The following PPP2R1B variants were observed in gnomAD, a reference collection of about 807,000 sequenced individuals.
PPP2R1B encodes the protein serine/threonine-protein phosphatase 2A 65 kDa regulatory subunit A beta isoform.
Under a neutral mutation model 72.7 loss-of-function variants are expected in PPP2R1B, and 58 were observed. The observed-to-expected ratio is 0.80, with a 90% CI of 0.65 to 0.99. The LOEUF is 0.99. PPP2R1B is among the 50% of genes least tolerant of loss of function. The probability of loss-of-function intolerance (pLI) is 0.00; values close to 1 mark genes in which losing one functional copy is unlikely to be tolerated. For synonymous variants in PPP2R1B, 256 were observed against 264.6 expected, an observed-to-expected ratio of 0.97 and a Z score of 0.32; for missense variants, 695 against 733.6, an observed-to-expected ratio of 0.95 and a Z score of 0.61.
chr11:111,721,843 A>C, the PPP2R1B span: 6 of 1,608,072 alleles, frequency 3.7e-6, no homozygotes, highest in African/African-American at 8.0e-5. Flanking sequence ...GAAGTTTCTC[A>C]GCAGCAGGAA....
chr11:111,707,852 A>G, the PPP2R1B span, among the ~76,000 whole-genome samples: 1 of 152,220 alleles, frequency 6.6e-6, no homozygotes, highest in Non-Finnish European at 1.5e-5. Flanking sequence ...CCACACACCA[A>G]GCTGAGTGAC....
chr11:111,692,366 A>C, the PPP2R1B span, among the ~76,000 whole-genome samples: 1 of 123,392 alleles, frequency 8.1e-6, no homozygotes. Context: ...AAAAAAAAAA[A>C]AAAAAAAAAA....
chr11:111,751,207 C>G (rs921857282), intron 10 of PPP2R1B, among the ~76,000 whole-genome samples: 1 of 152,074 alleles, frequency 6.6e-6, no homozygotes, highest in South Asian at 2.1e-4. Flanking sequence ...CAAGTGGTAC[C>G]TAGGGACATT....
At chr11:111,710,963 G>A in the PPP2R1B span, among the ~76,000 whole-genome samples, 1 of 152,084 alleles carries the variant, frequency 6.6e-6, no homozygotes, top group Non-Finnish European at 1.5e-5. Context: ...TATGATGATT[G>A]TTTTCTCAGA....
rs201183773 is a variant in PPP2R1B at position 111,759,943 on chromosome 11, C to T, written c.548G>A (p.Arg183His). Residue 183 changes from arginine (R) to histidine (H), a missense_variant, in exon 5 of 15, where the codon CGT becomes CAT. By Grantham distance (29) the Arg-to-His change is conservative (BLOSUM62 0). Coordinates refer to ENST00000527614, the MANE Select transcript of PPP2R1B (RefSeq NM_002716.5). Reference sequence around the variant, plus strand: ...TGGTGTGTCATCTGAGCACAAGGAACGGAATTGCCTGCAACATAAAACAAT... The same window carrying T: ...TGGTGTGTCATCTGAGCACAAGGAATGGAATTGCCTGCAACATAAAACAAT... ...AVKAEIRQQFRSLCSDDTPMV... is the reference protein window; with the variant it reads ...AVKAEIRQQFHSLCSDDTPMV... 50 of 1,613,528 alleles carry T rather than the reference C, an allele frequency of 3.1e-5. No homozygotes were observed. The African/African-American group carries it at 4.5e-4, about 15-fold the overall frequency.
In PPP2R1B at chr11:111,739,353, A is replaced by G; in HGVS notation, c.*2243T>C. ...CCCTTAAGTTTAAGGTAGTTAAAAA[A>G]AAAAATAGGAGAACTAATTCATGGA... On this transcript the variant is annotated 3_prime_UTR_variant, in exon 15 of 15. Transcript: ENST00000527614. 6 of 985,216 alleles carry G rather than the reference A, an allele frequency of 6.1e-6. No homozygotes were observed. The highest frequency in any genetic ancestry group is 7.2e-6 in the Non-Finnish European group (6 of 829,784). 61.0% of individuals were successfully genotyped at this position (985,216 alleles called of 1,614,324 possible). A position where few individuals can be genotyped will look rare whatever the true frequency, so the allele number is the denominator to read the frequency against.
chr11:111,712,485 C>G, the PPP2R1B span: 1 of 1,156,362 alleles, frequency 8.6e-7, no homozygotes, highest in Non-Finnish European at 1.2e-6. Flanking sequence ...CGTTAAGTCA[C>G]TCAGGAGTGA....
intron 4 of PPP2R1B, 68 bp downstream of exon 4, chr11:111,760,751 A>C (rs1945293332): frequency 2.1e-6 from 3 of 1,416,416 alleles, no homozygotes; most frequent in African/African-American, 1.4e-5. Context: ...GTCCCCAGTA[A>C]TCCCAAATAA....
At chr11:111,703,487 C>T in the PPP2R1B span, 2 of 1,442,536 alleles carry the variant, frequency 1.4e-6, no homozygotes, top group South Asian at 1.2e-5. Flanking sequence ...ATGCTCACAC[C>T]TGTCATCCTG....
chr11:111,756,768 C>T (rs1385118762), intron 5 of PPP2R1B, among the ~76,000 whole-genome samples: 1 of 152,112 alleles, frequency 6.6e-6, no homozygotes, highest in East Asian at 1.9e-4. Flanking sequence ...TGTAAACAGC[C>T]AATGTCAACG....
chr11:111,766,389 C>CAG, upstream of PPP2R1B: 3 of 1,589,948 alleles, frequency 1.9e-6, no homozygotes, highest in Non-Finnish European at 2.6e-6. Flanking sequence ...TGCTGGTCAC[C>CAG]GCCTCCCGCC....
intron 11 of PPP2R1B, among the ~76,000 whole-genome samples, chr11:111,744,436 C>T (rs894186264): frequency 2.0e-5 from 3 of 152,184 alleles, no homozygotes; most frequent in African/African-American, 7.2e-5. Context: ...GCCTTAACAT[C>T]TAATAATTCC....
chr11:111,735,665 T>C (rs1944318467), downstream of PPP2R1B, among the ~76,000 whole-genome samples: 1 of 152,220 alleles, frequency 6.6e-6, no homozygotes, highest in South Asian at 2.1e-4. Flanking sequence ...TTCCCTTTTC[T>C]CTTCAAGTGG....
At chr11:111,724,294 C>T, downstream of PPP2R1B, 5 of 996,978 alleles carry the variant, frequency 5.0e-6, no homozygotes, top group Non-Finnish European at 7.1e-6. Flanking sequence ...GATGTTGCTT[C>T]CTCCTGGTTC....
chr11:111,764,733 C>T (rs782016229), intron 3 of PPP2R1B, 72 bp downstream of exon 3: 19 of 1,460,886 alleles, frequency 1.3e-5, no homozygotes, highest in Non-Finnish European at 1.8e-5. Flanking sequence ...TGCAGTGTGT[C>T]TATCACCAAA....
At chr11:111,701,078 T>C in the PPP2R1B span, 1 of 1,560,512 alleles carries the variant, frequency 6.4e-7, no homozygotes, top group Non-Finnish European at 8.7e-7. This position sits in a 1 kb window ranked among gnomAD's most constrained non-coding sequence, Gnocchi z 4.2. Flanking sequence ...CTGGCCCATC[T>C]TAGAAGCTCC....
chr11:111,724,307 C>T (rs773522444), downstream of PPP2R1B: 53 of 896,774 alleles, frequency 5.9e-5, no homozygotes, highest in Non-Finnish European at 7.5e-5. Context: ...CCTGGTTCTG[C>T]CCCACCACAA....
chr11:111,718,056 G>A, the PPP2R1B span, among the ~76,000 whole-genome samples: 174 of 152,024 alleles, frequency 1.1e-3, 1 homozygote, highest in African/African-American at 3.8e-3. Flanking sequence ...TCCTGCACAC[G>A]TACCCTGGAA....
chr11:111,736,461 C>T (rs1944343650), downstream of PPP2R1B, among the ~76,000 whole-genome samples: 1 of 152,184 alleles, frequency 6.6e-6, no homozygotes. Flanking sequence ...CAGCCAAGCT[C>T]TCCTCCCTGA....
Sources: gnomAD v4.1 joint callset for allele counts (sites outside exome capture counted in the v4.1 genomes callset) on GRCh38, gnomAD v4.1.1 for gene constraint, Gnocchi (gnomAD v3.1) non-coding constraint, MANE v1.5 for transcripts, NCBI Gene and HGNC (gene_info 2026-07-23, HGNC 2026-07-21) for gene names.